CEP63: variants seen among roughly 807,000 people sequenced by gnomAD.
The protein encoded by CEP63 is centrosomal protein of 63 kDa.
A neutral mutation model predicts 89.1 loss-of-function variants in CEP63; 84 were observed. That is an observed-to-expected ratio of 0.94 (90% CI 0.79 to 1.13). The LOEUF is 1.13. CEP63 is among the 50% of genes most tolerant of loss of function. The probability of loss-of-function intolerance (pLI) is 0.00; values close to 1 mark genes in which losing one functional copy is unlikely to be tolerated. For synonymous variants in CEP63, 267 were observed against 272.5 expected, an observed-to-expected ratio of 0.98 and a Z score of 0.20; for missense variants, 838 against 813.3, an observed-to-expected ratio of 1.03 and a Z score of -0.37.
chr3:134,711,600 C>G, the CEP63 span, among the ~76,000 whole-genome samples: 16 of 152,140 alleles, frequency 1.1e-4, no homozygotes, highest in South Asian at 2.1e-4. Flanking sequence ...TTGAAAATGT[C>G]TTTATTGGTA....
At chr3:134,614,573 C>A in the CEP63 span, among the ~76,000 whole-genome samples, 1 of 151,950 alleles carries the variant, frequency 6.6e-6, no homozygotes, top group African/African-American at 2.4e-5. Flanking sequence ...AGAGACTGAA[C>A]AGAGGGGCAG....
the CEP63 span, among the ~76,000 whole-genome samples, chr3:134,749,602 G>C: frequency 1.3e-5 from 2 of 148,782 alleles, no homozygotes; most frequent in African/African-American, 4.9e-5. Flanking sequence ...TGAAGGGTCT[G>C]TGTGTGCAAC....
chr3:134,746,796 G>A, the CEP63 span, among the ~76,000 whole-genome samples: 4 of 152,236 alleles, frequency 2.6e-5, no homozygotes, highest in East Asian at 7.7e-4. Flanking sequence ...TTGTAAATTT[G>A]TTTAAGTTCT....
chr3:134,653,941 G>A, the CEP63 span, among the ~76,000 whole-genome samples: 15 of 152,092 alleles, frequency 9.9e-5, no homozygotes, highest in Admixed American at 8.5e-4. Flanking sequence ...TCTGTATTCC[G>A]ACCTAAATAA....
chr3:134,742,132 A>G, the CEP63 span, among the ~76,000 whole-genome samples: 4 of 152,022 alleles, frequency 2.6e-5, no homozygotes, highest in African/African-American at 9.7e-5. Context: ...TCATCCTCTC[A>G]TTTCTCATTC....
the CEP63 span, among the ~76,000 whole-genome samples, chr3:134,721,419 C>T: frequency 1.3e-5 from 2 of 152,036 alleles, no homozygotes; most frequent in African/African-American, 2.4e-5. Context: ...AATCTACCAG[C>T]AGATTTTACT....
intron 1 of CEP63, among the ~76,000 whole-genome samples, chr3:134,493,017 A>G (rs1361432360): frequency 1.3e-5 from 2 of 151,216 alleles, no homozygotes; most frequent in Non-Finnish European, 2.9e-5. Context: ...ATATTATTAA[A>G]TAGTCATAGA....
chr3:134,758,526 C>T, the CEP63 span, among the ~76,000 whole-genome samples: 2 of 152,154 alleles, frequency 1.3e-5, no homozygotes, highest in African/African-American at 2.4e-5. Context: ...GGTGGGTGTT[C>T]TTCGGTTCAC....
the CEP63 span, among the ~76,000 whole-genome samples, chr3:134,704,786 G>A: frequency 6.6e-6 from 1 of 152,224 alleles, no homozygotes; most frequent in Non-Finnish European, 1.5e-5. Context: ...CTTGCTCTTG[G>A]GCTGGGAACT....
the CEP63 span, among the ~76,000 whole-genome samples, chr3:134,686,302 GA>G: frequency 3.9e-5 from 6 of 152,238 alleles, no homozygotes; most frequent in Non-Finnish European, 8.8e-5. Context: ...GTTGTCCAGA[GA>G]AAGAGTTATC....
At chr3:134,594,000 G>A in the CEP63 span, among the ~76,000 whole-genome samples, 1 of 152,218 alleles carries the variant, frequency 6.6e-6, no homozygotes, top group African/African-American at 2.4e-5. Flanking sequence ...GGAGGGGACA[G>A]CCTTCAAGTG....
the CEP63 span, among the ~76,000 whole-genome samples, chr3:134,652,530 G>C: frequency 2.6e-5 from 4 of 151,220 alleles, no homozygotes; most frequent in East Asian, 7.8e-4. Context: ...TGTTGAACTG[G>C]AGTCCCTAGA....
At chr3:134,687,303 C>G in the CEP63 span, among the ~76,000 whole-genome samples, 24 of 152,336 alleles carry the variant, frequency 1.6e-4, no homozygotes, top group East Asian at 4.6e-3. Flanking sequence ...ACTACTACCC[C>G]CTCTCACAAC....
At chr3:134,528,944 CTCT>C (rs1949300005) in intron 3 of CEP63, among the ~76,000 whole-genome samples, 1 of 152,126 alleles carries the variant, frequency 6.6e-6, no homozygotes. Flanking sequence ...TAGGGTCAGC[CTCT>C]TTTCTTTTCT....
chr3:134,651,293 G>C, the CEP63 span: 1 of 1,188,166 alleles, frequency 8.4e-7, no homozygotes, highest in South Asian at 1.6e-5. Flanking sequence ...CTCCCGCCCG[G>C]TGCACTTGAA....
the CEP63 span, chr3:134,608,888 A>AG: frequency 6.4e-7 from 1 of 1,564,296 alleles, no homozygotes; most frequent in South Asian, 1.2e-5. Flanking sequence ...CAGGGGAGGC[A>AG]GGGGCCCAAT....
intron 3 of CEP63, among the ~76,000 whole-genome samples, chr3:134,520,715 C>A (rs144907550): frequency 3.3e-5 from 5 of 152,038 alleles, no homozygotes; most frequent in African/African-American, 1.2e-4. Context: ...TAAAGAGTCC[C>A]GTAACAGAGA....
At chr3:134,517,484 T>C (rs542946353) in intron 3 of CEP63, among the ~76,000 whole-genome samples, 1 of 152,328 alleles carries the variant, frequency 6.6e-6, no homozygotes, top group South Asian at 2.1e-4. Context: ...TTAATTTTTA[T>C]ATATAGAATA....
chr3:134,746,086 C>T, the CEP63 span, among the ~76,000 whole-genome samples: 4 of 147,230 alleles, frequency 2.7e-5, no homozygotes, highest in Middle Eastern at 7.4e-3. Context: ...CACCCCATGA[C>T]AGGCCCTGGT....
Sources: gnomAD v4.1 joint callset for allele counts (sites outside exome capture counted in the v4.1 genomes callset) on GRCh38, gnomAD v4.1.1 for gene constraint, MANE v1.5 for transcripts, NCBI Gene and HGNC (gene_info 2026-07-23, HGNC 2026-07-21) for gene names.